The following FADS1 variants were observed in gnomAD, a reference collection of about 807,000 sequenced individuals.
FADS1 encodes the protein acyl-CoA (8-3)-desaturase.
FADS1 carries 17 observed loss-of-function variants against 61.6 expected under a neutral mutation model. The observed-to-expected ratio is 0.28, with a 90% CI of 0.19 to 0.41. The LOEUF (loss-of-function observed/expected upper bound fraction) is 0.41. Among genes scored for constraint, FADS1 ranks in the 10% least tolerant of loss-of-function variants. The pLI, the probability that FADS1 is intolerant of heterozygous loss-of-function variation, is 1.00. For synonymous variants in FADS1, 238 were observed against 258.7 expected (o/e 0.92, Z 0.77); for missense variants, 387 against 650.9 (o/e 0.59, Z 4.41).
rs137864040 is a variant in FADS1 at position 61,804,477 on chromosome 11, C to T, written c.1053+208G>A. 1.9e-4 allele frequency: 104 copies of T among 545,422 alleles called. No homozygotes were observed. In the East Asian group the frequency reaches 2.0e-3, roughly 11 times the overall value. 33.8% of individuals were successfully genotyped at this position (545,422 alleles called of 1,614,324 possible). ...TACAAGAACCTCTGGAGACACTGAC[C>T]GCATGAAATTACACATTGGGAATCA... On this transcript the variant is annotated intron_variant, in intron 7 of 11. Coordinates refer to ENST00000350997, the MANE Select transcript of FADS1 (RefSeq NM_013402.7).
rs752194892 is a variant in FADS1 at position 61,812,526 on chromosome 11, A to C, written c.629T>G (p.Phe210Cys). 1.9e-6 allele frequency: 3 copies of C among 1,614,116 alleles called. No individual in the cohort carries two copies. In the Admixed American group the frequency reaches 5.0e-5, roughly 27 times the overall value. The change falls in exon 3 of 12, where the codon TTT becomes TGT. Residue 210 changes from phenylalanine (F) to cysteine (C), a missense_variant. Phe to Cys is a radical substitution (Grantham distance 205, BLOSUM62 -2). Transcript: ENST00000350997. The part of the protein sequence containing the change: ...DGAAWLTLWV[F>C]GTSFLPFLLC... ...GAGGAAGGGCAAAAAGGACGTCCCAAAGACCCAAAGGGTGAGCCAGGCTGC... is the reference window on the plus strand; with the variant it reads ...GAGGAAGGGCAAAAAGGACGTCCCACAGACCCAAAGGGTGAGCCAGGCTGC...
Position 61,816,729 on chromosome 11 carries a change from G to C in FADS1, c.201C>G (p.Thr67=), listed in dbSNP as rs1425573892. ...AMAPDPVAAE[T]AAQGPTPRYF... is the part of the protein sequence containing the mutation. ...AGCGCGGGGTAGGTCCCTGAGCCGC[G>C]GTCTCGGCGGCCACCGGGTCGGGGG... Residue 67 remains threonine, a synonymous_variant, in exon 1 of 12, where the codon ACC becomes ACG. Transcript: ENST00000350997. The surrounding 1 kb of genome is among the most constrained non-coding windows in gnomAD (Gnocchi z 7.0). 7.7e-6 allele frequency: 12 copies of C among 1,559,808 alleles called. No individual in the cohort carries two copies. The Admixed American group carries it at 2.3e-4, about 30-fold the overall frequency.
rs973388336 is a variant in FADS1, at chr11:61,808,105, G to A, written c.916-1381C>T. Among the ~76,000 whole-genome samples, 3 of 152,182 alleles carry A rather than the reference G, an allele frequency of 2.0e-5. No individual in the cohort carries two copies. The East Asian group carries it at 5.8e-4, about 29-fold the overall frequency. On this transcript the variant is annotated intron_variant, in intron 5 of 11. Coordinates refer to ENST00000350997, the MANE Select transcript of FADS1 (RefSeq NM_013402.7). ...AATCCCAGCACTTTGGGAGGCTGAGGTAGGCGGACTGCATGAGCCCAGGAG... is the reference window on the plus strand; with the variant it reads ...AATCCCAGCACTTTGGGAGGCTGAGATAGGCGGACTGCATGAGCCCAGGAG...
At position 61,800,253 on chromosome 11, in the gene FADS1, G is replaced by C. The variant is rs2066845960; in HGVS notation, c.*2158C>G. 1 of 152,070 alleles carries C rather than the reference G, an allele frequency of 6.6e-6. No individual in the cohort carries two copies. The highest frequency in any genetic ancestry group is 1.5e-5 in the Non-Finnish European group (1 of 68,046). The allele number at this position is 152,070 out of a possible 1,614,324, so 9.4% of individuals were successfully genotyped here. On this transcript the variant is annotated 3_prime_UTR_variant, in exon 12 of 12. Coordinates refer to ENST00000350997, the MANE Select transcript of FADS1 (RefSeq NM_013402.7). ...TATCACCCCAGGCTGGAGTGCAGTGGTGTGATCTCAGCTCGCTGCAGGCTT... is the reference window on the plus strand; with the variant it reads ...TATCACCCCAGGCTGGAGTGCAGTGCTGTGATCTCAGCTCGCTGCAGGCTT...
Position 61,816,712 on chromosome 11 carries a change from G to A in FADS1, c.218C>T (p.Thr73Ile). 2 of 1,573,634 alleles carry A rather than the reference G, an allele frequency of 1.3e-6. No homozygotes were observed. Among genetic ancestry groups the A allele is most frequent in the Non-Finnish European group, 1.7e-6 (2 of 1,160,238 alleles). ...VAAETAAQGP[T>I]PRYFTWDEVA... ...CTCGTCCCAGGTGAAGTAGCGCGGG[G>A]TAGGTCCCTGAGCCGCGGTCTCGGC... The change falls in exon 1 of 12, where the codon ACC becomes ATC. Residue 73 changes from threonine to isoleucine, a missense_variant. Thr to Ile is a moderately conservative substitution (Grantham distance 89). Around this residue, in one of 2 missense-constraint regions of FADS1, gnomAD observed 130 missense variants for 117.7 expected, o/e 1.10. Transcript: ENST00000350997. The surrounding 1 kb of genome is among the most constrained non-coding windows in gnomAD (Gnocchi z 7.0).
chr11:61,816,676 C>A lies in FADS1; in HGVS notation c.254G>T (p.Arg85Leu). 2 of 1,592,032 alleles carry A rather than the reference C, an allele frequency of 1.3e-6. No homozygotes were observed. Among genetic ancestry groups the A allele is most frequent in the Non-Finnish European group, 1.7e-6 (2 of 1,170,036 alleles). ...TAGCCACCGCTCCTCGCACCCTGAG[C>A]GCTGGGCCACCTCGTCCCAGGTGAA... is the stretch of plus-strand genomic sequence containing the variant. ...RYFTWDEVAQ[R>L]SGCEERWLVI... The change falls in exon 1 of 12, where the codon CGC (arginine) becomes CTC (leucine). Residue 85 changes from arginine to leucine, a missense_variant. By Grantham distance (102) the Arg-to-Leu change is moderately radical. Coordinates refer to ENST00000350997, the MANE Select transcript of FADS1 (RefSeq NM_013402.7). This position sits in a 1 kb window ranked among gnomAD's most constrained non-coding sequence, Gnocchi z 7.0.
chr11:61,805,041 A>G, intron 6 of FADS1: 1 of 538,016 alleles, frequency 1.9e-6, no homozygotes, highest in Non-Finnish European at 3.3e-6. Context: ...TTGGGAACTC[A>G]GGCCCCACGC....
In FADS1 at chr11:61,802,381, C is replaced by A; in HGVS notation, c.*30G>T. The A allele has an allele frequency of 6.4e-7, 1 of 1,555,468 alleles. No individual in the cohort carries two copies. Among genetic ancestry groups the A allele is most frequent in the South Asian group, 1.2e-5 (1 of 84,528 alleles). ...GCCTTGGCTCCAGAGTCTTCCTCCT[C>A]TTCTTCCAGACTGGGCAGGGTGGCT... On this transcript the variant is annotated 3_prime_UTR_variant, in exon 12 of 12. Transcript: ENST00000350997. The surrounding 1 kb of genome is among the most constrained non-coding windows in gnomAD (Gnocchi z 4.2).
intron 5 of FADS1, among the ~76,000 whole-genome samples, chr11:61,810,408 A>C (rs558971961): frequency 7.2e-5 from 11 of 152,316 alleles, no homozygotes; most frequent in Admixed American, 5.9e-4. Context: ...CTGGGGCAAG[A>C]GTGTCAAAAA....
At chr11:61,806,431 T>C (rs892658322) in intron 6 of FADS1, 7 of 536,912 alleles carry the variant, frequency 1.3e-5, no homozygotes, top group Non-Finnish European at 2.0e-5. Flanking sequence ...CAGTGGAAAC[T>C]GGGGTTGGAT....
At position 61,816,248 on chromosome 11, in the gene FADS1, C is replaced by G. The variant is rs773804082; in HGVS notation, c.375+307G>C. ...TAGCCTACCCAGCTCGGGGTTCTGTCCCCGCCCAGAGACCTGAGGCTCGGG... is the reference window on the plus strand; with the variant it reads ...TAGCCTACCCAGCTCGGGGTTCTGTGCCCGCCCAGAGACCTGAGGCTCGGG... On this transcript the variant is annotated intron_variant, in intron 1 of 11. Transcript: ENST00000350997. The surrounding 1 kb of genome is among the most constrained non-coding windows in gnomAD (Gnocchi z 7.0). The G allele has an allele frequency of 4.6e-5, 73 of 1,596,874 alleles. No homozygotes were observed. Among genetic ancestry groups the G allele is most frequent in the Non-Finnish European group, 6.0e-5 (71 of 1,178,966 alleles).
In FADS1 at chr11:61,801,190, C is replaced by T. The variant is rs1443337324; in HGVS notation, c.*1221G>A. On this transcript the variant is annotated 3_prime_UTR_variant, in exon 12 of 12. Coordinates refer to ENST00000350997, the MANE Select transcript of FADS1 (RefSeq NM_013402.7). ...AGAAAGTTTCTACTTATAGCCCTTACATTCTTTATGACCGAAATCTGTGTC... is the reference window on the plus strand; with the variant it reads ...AGAAAGTTTCTACTTATAGCCCTTATATTCTTTATGACCGAAATCTGTGTC... 6.6e-6 allele frequency: 1 copy of T among 152,362 alleles called. No homozygotes were observed. The highest frequency in any genetic ancestry group is 1.5e-5 in the Non-Finnish European group (1 of 68,038). 9.4% of individuals were successfully genotyped at this position (152,362 alleles called of 1,614,324 possible).
At chr11:61,807,863 T>A (rs1176890779) in intron 5 of FADS1, among the ~76,000 whole-genome samples, 1 of 152,212 alleles carries the variant, frequency 6.6e-6, no homozygotes, top group East Asian at 1.9e-4. Flanking sequence ...TATTGAGAGT[T>A]TATTCTGTAC....
chr11:61,802,519 G>T lies in FADS1; in HGVS notation c.1455-57C>A. ...GGAGACAAGCAGAGTTGAACCCACC[G>T]GAGATGGAGCAGTGAGGTTAAGGCC... On this transcript the variant is annotated intron_variant, in intron 11 of 11. Coordinates refer to ENST00000350997, the MANE Select transcript of FADS1 (RefSeq NM_013402.7). The surrounding 1 kb of genome is among the most constrained non-coding windows in gnomAD (Gnocchi z 4.2). 1 of 1,480,726 alleles carries T rather than the reference G, an allele frequency of 6.8e-7. No individual in the cohort carries two copies. Among genetic ancestry groups the T allele is most frequent in the Non-Finnish European group, 9.2e-7 (1 of 1,082,898 alleles). 91.7% of individuals were successfully genotyped at this position (1,480,726 alleles called of 1,614,324 possible).
intron 5 of FADS1, 134 bp from the exon 6 acceptor site, chr11:61,806,858 AG>A: frequency 1.3e-6 from 1 of 786,270 alleles, no homozygotes; most frequent in Non-Finnish European, 2.3e-6. Flanking sequence ...AAGCTCCAAG[AG>A]GCCCAGCCTT....
Position 61,816,071 on chromosome 11 carries a change from C to T in FADS1, c.375+484G>A, listed in dbSNP as rs115698269. 1,243 of 601,840 alleles carry T rather than the reference C, an allele frequency of 2.1e-3. 16 individuals are homozygous for T. The highest frequency in any genetic ancestry group is 0.014 in the African/African-American group (776 of 53,882). 37.3% of individuals were successfully genotyped at this position (601,840 alleles called of 1,614,324 possible). A position where few individuals can be genotyped will look rare whatever the true frequency, so the allele number is the denominator to read the frequency against. On this transcript the variant is annotated intron_variant, in intron 1 of 11. Coordinates refer to ENST00000350997, the MANE Select transcript of FADS1 (RefSeq NM_013402.7). The surrounding 1 kb of genome is among the most constrained non-coding windows in gnomAD (Gnocchi z 7.0). Reference sequence around the variant, plus strand: ...CGAGAATGGGCTCCTTTCCTGCTCCCTCTCCGCTCCTGCTGGCGAGTGGAG... The same window carrying T: ...CGAGAATGGGCTCCTTTCCTGCTCCTTCTCCGCTCCTGCTGGCGAGTGGAG...
chr11:61,810,815 C>T lies in FADS1; in HGVS notation c.851G>A (p.Arg284His). ...FQHHAKPNCF[R>H]KDPDINMHPF... ...ATGCATGTTGATGTCTGGGTCTTTG[C>T]GGAAGCAGTTGGGCTTGGCATGGTG... Residue 284 changes from arginine (R) to histidine (H), a missense_variant, in exon 5 of 12, where the codon CGC becomes CAC. Arg to His is a conservative substitution (Grantham distance 29). Around this residue, in one of 2 missense-constraint regions of FADS1, gnomAD observed 257 missense variants for 533.3 expected, o/e 0.48. Transcript: ENST00000350997. 4.3e-6 allele frequency: 7 copies of T among 1,614,164 alleles called. No individual in the cohort carries two copies. Among genetic ancestry groups the T allele is most frequent in the East Asian group, 2.2e-5 (1 of 44,886 alleles).
At position 61,801,184 on chromosome 11, in the gene FADS1, C is replaced by T. The variant is rs1287593824; in HGVS notation, c.*1227G>A. 6.6e-6 allele frequency: 1 copy of T among 152,298 alleles called. No homozygotes were observed. The highest frequency in any genetic ancestry group is 1.5e-5 in the Non-Finnish European group (1 of 68,018). 9.4% of individuals were successfully genotyped at this position (152,298 alleles called of 1,614,324 possible). A position where few individuals can be genotyped will look rare whatever the true frequency, so the allele number is the denominator to read the frequency against. ...GGTTATAGAAAGTTTCTACTTATAG[C>T]CCTTACATTCTTTATGACCGAAATC... On this transcript the variant is annotated 3_prime_UTR_variant, in exon 12 of 12. Coordinates refer to ENST00000350997, the MANE Select transcript of FADS1 (RefSeq NM_013402.7).
In FADS1 at chr11:61,816,486, T is replaced by A; in HGVS notation, c.375+69A>T. ...TAGTCGGTGTTTGGCTCGGAGTGCG[T>A]AACTCTGTCTCCCCTGCACTCAGCC... On this transcript the variant is annotated intron_variant, in intron 1 of 11. Coordinates refer to ENST00000350997, the MANE Select transcript of FADS1 (RefSeq NM_013402.7). This position sits in a 1 kb window ranked among gnomAD's most constrained non-coding sequence, Gnocchi z 7.0. The A allele has an allele frequency of 1.9e-6, 3 of 1,601,052 alleles. No homozygotes were observed. The South Asian group carries it at 3.3e-5, about 18-fold the overall frequency.
Sources: allele counts gnomAD v4.1 joint callset (sites outside exome capture counted in the v4.1 genomes callset), GRCh38; gene constraint gnomAD v4.1.1; regional missense constraint gnomAD v4.1.1; non-coding constraint Gnocchi (gnomAD v3.1); transcripts MANE v1.5; gene names NCBI Gene and HGNC (gene_info 2026-07-23, HGNC 2026-07-21).